PLCB4: variants seen among roughly 807,000 people sequenced by gnomAD.
The protein encoded by PLCB4 is 1-phosphatidylinositol 4,5-bisphosphate phosphodiesterase beta-4.
PLCB4 carries 77 observed loss-of-function variants against 178.8 expected under a neutral mutation model. The observed-to-expected ratio is 0.43, with a 90% CI of 0.36 to 0.52. The LOEUF (loss-of-function observed/expected upper bound fraction) is 0.52. PLCB4 is among the 20% of genes least tolerant of loss of function. The pLI, the probability that PLCB4 is intolerant of heterozygous loss-of-function variation, is 0.00. For synonymous variants in PLCB4, 496 were observed against 490.8 expected (o/e 1.01, Z -0.14); for missense variants, 1,024 against 1,453.4 (o/e 0.70, Z 4.80).
intron 4 of PLCB4, among the ~76,000 whole-genome samples, chr20:9,312,199 G>A (rs7260696): frequency 0.021 from 3,263 of 152,104 alleles, 137 homozygotes; most frequent in African/African-American, 0.074. Flanking sequence ...CACTGACCTC[G>A]TCTTTCCCAC....
At chr20:9,211,037 A>G (rs944766286) in intron 2 of PLCB4, among the ~76,000 whole-genome samples, 15 of 152,192 alleles carry the variant, frequency 9.9e-5, no homozygotes, top group Admixed American at 2.0e-4. Context: ...ATGTCTAGGC[A>G]TGGTATGATT....
rs542946733 is a variant in PLCB4, at chr20:9,324,407, A to G, written c.85-12719A>G. On this transcript the variant is annotated intron_variant, in intron 4 of 39. Transcript: ENST00000378473. ...TGCCACAGCACTCCAGCCTGGTGAC[A>G]CAGTGAGACTCCGTCTGTCTCAAAA... Among the ~76,000 whole-genome samples, 345 of 152,224 alleles carry G rather than the reference A, an allele frequency of 2.3e-3. 1 individual carries two copies. The highest frequency in any genetic ancestry group is 2.3e-3 in the Non-Finnish European group (158 of 68,012).
chr20:9,317,802 G>A (rs2094915665), intron 4 of PLCB4, among the ~76,000 whole-genome samples: 1 of 152,166 alleles, frequency 6.6e-6, no homozygotes, highest in East Asian at 1.9e-4. Flanking sequence ...TGGCATTGTA[G>A]TAAAGAAAGA....
intron 2 of PLCB4, among the ~76,000 whole-genome samples, chr20:9,131,954 A>T (rs533993972): frequency 5.3e-4 from 80 of 152,172 alleles, no homozygotes; most frequent in Non-Finnish European, 9.9e-4. Context: ...ACCCTGAATG[A>T]TGAGAGGCCG....
chr20:9,112,882 C>A (rs1014014252), intron 2 of PLCB4, among the ~76,000 whole-genome samples: 4,040 of 38,124 alleles, frequency 0.11, 174 homozygotes, highest in African/African-American at 0.41. Flanking sequence ...TTTCCTCTTG[C>A]CCTTTTTAAA....
chr20:9,451,401 G>A (rs1282719847), intron 32 of PLCB4, among the ~76,000 whole-genome samples: 1 of 152,122 alleles, frequency 6.6e-6, no homozygotes, highest in Non-Finnish European at 1.5e-5. Flanking sequence ...AGATAATATA[G>A]GACTGTGGCA....
At chr20:9,273,163 A>G (rs1209391170) in intron 3 of PLCB4, among the ~76,000 whole-genome samples, 1 of 152,120 alleles carries the variant, frequency 6.6e-6, no homozygotes, top group Non-Finnish European at 1.5e-5. Flanking sequence ...GCTTTTGCAA[A>G]GCGTACAATC....
intron 2 of PLCB4, among the ~76,000 whole-genome samples, chr20:9,107,846 T>TTCC (rs1038779742): frequency 6.6e-6 from 1 of 152,154 alleles, no homozygotes; most frequent in Non-Finnish European, 1.5e-5. Flanking sequence ...GGAGGTTATG[T>TTCC]TCCTGTGTAA....
In PLCB4 at chr20:9,319,880, A is replaced by AT. The variant is rs376637752; in HGVS notation, c.84+11983dup. Among the ~76,000 whole-genome samples, 423 of 152,268 alleles carry AT rather than the reference A, an allele frequency of 2.8e-3. 3 individuals are homozygous for AT. The highest frequency in any genetic ancestry group is 9.7e-3 in the African/African-American group (403 of 41,548). On this transcript the variant is annotated intron_variant, in intron 4 of 39. Coordinates refer to ENST00000378473, the MANE Select transcript of PLCB4 (RefSeq NM_001377142.1). Reference sequence around the variant, plus strand: ...GTCAAGTTGACATATAAAATTAATCATGACAGGTGTTTTTTAGCACAGACA... The same window carrying AT: ...GTCAAGTTGACATATAAAATTAATCATTGACAGGTGTTTTTTAGCACAGACA...
At chr20:9,454,377 T>C (rs1486116956) in intron 33 of PLCB4, among the ~76,000 whole-genome samples, 2 of 152,172 alleles carry the variant, frequency 1.3e-5, no homozygotes, top group African/African-American at 2.4e-5. Flanking sequence ...TGGGGAAAAT[T>C]CCATGAGACC....
chr20:9,080,777 A>G, intron 1 of PLCB4, among the ~76,000 whole-genome samples: 1 of 152,178 alleles, frequency 6.6e-6, no homozygotes, highest in Non-Finnish European at 1.5e-5. Context: ...GGAGCTCCAG[A>G]TATATCCTGT....
chr20:9,364,827 G>T (rs1388245818), intron 8 of PLCB4, among the ~76,000 whole-genome samples: 1 of 152,172 alleles, frequency 6.6e-6, no homozygotes, highest in South Asian at 2.1e-4. Flanking sequence ...TAAATGTTCT[G>T]AGTCTCCTAA....
chr20:9,378,289 A>G (rs907621897), intron 12 of PLCB4, among the ~76,000 whole-genome samples: 2 of 152,184 alleles, frequency 1.3e-5, no homozygotes, highest in African/African-American at 4.8e-5. Flanking sequence ...AATAAGGAAG[A>G]TAAATAAAGT....
chr20:9,239,264 C>A (rs992022849), intron 3 of PLCB4, among the ~76,000 whole-genome samples: 1 of 152,156 alleles, frequency 6.6e-6, no homozygotes, highest in African/African-American at 2.4e-5. Flanking sequence ...TCCTCTTTTA[C>A]GTTGTCAAGT....
At position 9,325,475 on chromosome 20, in the gene PLCB4, T is replaced by G. The variant is rs552899241; in HGVS notation, c.85-11651T>G. Among the ~76,000 whole-genome samples, 77 of 152,304 alleles carry G rather than the reference T, an allele frequency of 5.1e-4. 1 individual carries two copies. The highest frequency in any genetic ancestry group is 5.5e-4 in the African/African-American group (23 of 41,568). On this transcript the variant is annotated intron_variant, in intron 4 of 39. Coordinates refer to ENST00000378473, the MANE Select transcript of PLCB4 (RefSeq NM_001377142.1). ...TGTTGAATATTTTAGGAATAATTTC[T>G]TCACCTCTTTTCTGGCAAGAGTCAG...
At chr20:9,227,111 T>C (rs2093875796) in intron 3 of PLCB4, among the ~76,000 whole-genome samples, 1 of 152,088 alleles carries the variant, frequency 6.6e-6, no homozygotes, top group South Asian at 2.1e-4. Context: ...ATACCTCTTC[T>C]CTGCCCTTTG....
At chr20:9,414,581 C>G (rs893071736) in intron 25 of PLCB4, among the ~76,000 whole-genome samples, 1 of 152,218 alleles carries the variant, frequency 6.6e-6, no homozygotes, top group African/African-American at 2.4e-5. Context: ...TATAGAACAT[C>G]AGTGTGCAAA....
rs76549517 is a variant in PLCB4 at position 9,077,523 on chromosome 20, A to G, written c.-135+8317A>G. Among the ~76,000 whole-genome samples the G allele has an allele frequency of 3.6e-3, 556 of 152,368 alleles. 2 individuals are homozygous for G. Among genetic ancestry groups the G allele is most frequent in the Non-Finnish European group, 4.5e-3 (309 of 68,032 alleles). On this transcript the variant is annotated intron_variant, in intron 1 of 39. Transcript: ENST00000378473. ...ATATGGCATACCAGGAAGTGATTTTAGAAACAGACTATGTCCTTAAAATCC... is the reference window on the plus strand; with the variant it reads ...ATATGGCATACCAGGAAGTGATTTTGGAAACAGACTATGTCCTTAAAATCC...
intron 30 of PLCB4, 58 bp downstream of exon 30, chr20:9,437,210 C>T: frequency 7.0e-7 from 1 of 1,435,408 alleles, no homozygotes; most frequent in South Asian, 1.2e-5. Context: ...ACACAGTGTA[C>T]AATATCTATA....
Sources: allele counts gnomAD v4.1 joint callset (sites outside exome capture counted in the v4.1 genomes callset), GRCh38; gene constraint gnomAD v4.1.1; transcripts MANE v1.5; gene names NCBI Gene and HGNC (gene_info 2026-07-23, HGNC 2026-07-21).